The following KIRREL3 variants were observed in gnomAD, a reference collection of about 807,000 sequenced individuals.
KIRREL3 encodes kin of IRRE-like protein 3.
In KIRREL3, 36 loss-of-function variants were observed where a neutral mutation model predicts 89.7. The observed-to-expected ratio is 0.40, with a 90% CI of 0.31 to 0.53. The LOEUF is 0.53. KIRREL3 is among the 20% of genes least tolerant of loss of function. The pLI, the probability that KIRREL3 is intolerant of heterozygous loss-of-function variation, is 0.49. For synonymous variants in KIRREL3, 445 were observed against 441.4 expected (o/e 1.01, Z -0.10); for missense variants, 864 against 1,056.6 (o/e 0.82, Z 2.53).
At chr11:126,756,216 G>A (rs893470978) in intron 1 of KIRREL3, among the ~76,000 whole-genome samples, 1 of 152,190 alleles carries the variant, frequency 6.6e-6, no homozygotes, top group Non-Finnish European at 1.5e-5. Flanking sequence ...TTCAAAATAA[G>A]ATTCCCATGA....
In KIRREL3 at chr11:126,710,719, A is replaced by G. The variant is rs1947722998; in HGVS notation, c.56-147807T>C. Among the ~76,000 whole-genome samples, 1 of 152,184 alleles carries G rather than the reference A, an allele frequency of 6.6e-6. No homozygotes were observed. On this transcript the variant is annotated intron_variant, in intron 1 of 16. Transcript: ENST00000525144. This position sits in a 1 kb window ranked among gnomAD's most constrained non-coding sequence, Gnocchi z 4.2. The stretch of plus-strand genomic sequence containing the variant: ...CCTCACTTATAATTAAGTGTCTCAA[A>G]TAAAGTTTTGTTTTAGGCTAAATAA...
chr11:126,448,294 A>G (rs1217421990), intron 8 of KIRREL3, among the ~76,000 whole-genome samples: 1 of 151,568 alleles, frequency 6.6e-6, no homozygotes, highest in East Asian at 1.9e-4. Flanking sequence ...AAAAAAAAAA[A>G]AAAAAAAGAA....
chr11:126,749,872 T>C (rs966311204), intron 1 of KIRREL3, among the ~76,000 whole-genome samples: 2 of 152,154 alleles, frequency 1.3e-5, no homozygotes, highest in Non-Finnish European at 2.9e-5. Flanking sequence ...CCCTAGAGAT[T>C]GTTGTCTAAC....
intron 1 of KIRREL3, among the ~76,000 whole-genome samples, chr11:126,921,007 C>T (rs1947252566): frequency 6.6e-6 from 1 of 152,220 alleles, no homozygotes; most frequent in South Asian, 2.1e-4. Context: ...CAGGAAGAGA[C>T]TGGCACTTGC....
At chr11:126,825,285 G>A (rs902820267) in intron 1 of KIRREL3, among the ~76,000 whole-genome samples, 5 of 152,096 alleles carry the variant, frequency 3.3e-5, no homozygotes, top group Non-Finnish European at 5.9e-5. Context: ...TGACAGCCTG[G>A]TGACGCTATG....
Position 126,562,760 on chromosome 11 carries a change from C to G in KIRREL3, c.133+75G>C. On this transcript the variant is annotated intron_variant, in intron 2 of 16. Transcript: ENST00000525144. This position sits in a 1 kb window ranked among gnomAD's most constrained non-coding sequence, Gnocchi z 4.7. ...GGTCCCAGGTTCTTATTCCTGGTTC[C>G]TCTGTCCTGTGGCTGTAGGGGAGAG... The G allele has an allele frequency of 2.3e-6, 3 of 1,278,840 alleles. No homozygotes were observed. Among genetic ancestry groups the G allele is most frequent in the Non-Finnish European group, 3.4e-6 (3 of 880,052 alleles). The allele number at this position is 1,278,840 out of a possible 1,614,324, so 79.2% of individuals were successfully genotyped here.
intron 1 of KIRREL3, among the ~76,000 whole-genome samples, chr11:126,597,040 T>C (rs1322856526): frequency 6.6e-6 from 1 of 152,218 alleles, no homozygotes; most frequent in Non-Finnish European, 1.5e-5. Context: ...TTTTGGAGTG[T>C]GGTAGCCAGA....
chr11:126,450,873 GTGTGCATGTGTGCA>G (rs749595429), intron 7 of KIRREL3, among the ~76,000 whole-genome samples: 33 of 150,232 alleles, frequency 2.2e-4, no homozygotes, highest in Middle Eastern at 3.5e-3. Context: ...GTGTGTGCAT[GTGTGCATGTGTGCA>G]TGTGCGTGTG....
chr11:126,649,688 C>T (rs1022176513), intron 1 of KIRREL3, among the ~76,000 whole-genome samples: 61 of 152,198 alleles, frequency 4.0e-4, no homozygotes, highest in Non-Finnish European at 2.9e-5. Flanking sequence ...CAGCCTCCCT[C>T]CCAGCTGCTT....
intron 1 of KIRREL3, among the ~76,000 whole-genome samples, chr11:126,679,615 A>G (rs574546843): frequency 9.8e-5 from 15 of 152,306 alleles, no homozygotes; most frequent in Admixed American, 9.1e-4. Context: ...GACTTTGTAG[A>G]CAGTTCATCT....
At position 126,983,687 on chromosome 11, in the gene KIRREL3, C is replaced by T. The variant is rs1249833236; in HGVS notation, c.55+16768G>A. Among the ~76,000 whole-genome samples the T allele has an allele frequency of 6.6e-6, 1 of 152,150 alleles. No homozygotes were observed. The highest frequency in any genetic ancestry group is 6.5e-5 in the Admixed American group (1 of 15,286). On this transcript the variant is annotated intron_variant, in intron 1 of 16. Coordinates refer to ENST00000525144, the MANE Select transcript of KIRREL3 (RefSeq NM_032531.4). This position sits in a 1 kb window ranked among gnomAD's most constrained non-coding sequence, Gnocchi z 4.9. ...GCCAAGAAATTGATTTTCCCTATAG[C>T]CTCCAGAAAGAAACAGCCCTGCAGC...
rs1042408489 is a variant in KIRREL3 at position 126,530,795 on chromosome 11, C to T, written c.134-4108G>A. ...ATGTTCCCCTGGTGTGAAGCCTTGGCGGCCGGTGCAATCTCCCCTTCCCAT... is the reference window on the plus strand; with the variant it reads ...ATGTTCCCCTGGTGTGAAGCCTTGGTGGCCGGTGCAATCTCCCCTTCCCAT... On this transcript the variant is annotated intron_variant, in intron 2 of 16. Coordinates refer to ENST00000525144, the MANE Select transcript of KIRREL3 (RefSeq NM_032531.4). The surrounding 1 kb of genome is among the most constrained non-coding windows in gnomAD (Gnocchi z 5.8). 1.3e-5 allele frequency among the ~76,000 whole-genome samples: 2 copies of T among 152,218 alleles called. No individual in the cohort carries two copies. Among genetic ancestry groups the T allele is most frequent in the Non-Finnish European group, 1.5e-5 (1 of 68,010 alleles).
At chr11:126,746,071 G>C (rs1016024604) in intron 1 of KIRREL3, among the ~76,000 whole-genome samples, 1 of 152,106 alleles carries the variant, frequency 6.6e-6, no homozygotes, top group Admixed American at 6.5e-5. Context: ...TCTGCTTTTT[G>C]TTAGGTTTCT....
chr11:126,869,160 T>A (rs1945021449), intron 1 of KIRREL3, among the ~76,000 whole-genome samples: 1 of 151,286 alleles, frequency 6.6e-6, no homozygotes, highest in Non-Finnish European at 1.5e-5. Flanking sequence ...AGGGCTTTTT[T>A]TTTTTTTTTT....
intron 10 of KIRREL3, among the ~76,000 whole-genome samples, chr11:126,442,043 A>C (rs113500486): frequency 0.2 from 30,658 of 151,856 alleles, 3,813 homozygotes; most frequent in Admixed American, 0.32. Context: ...GAGGCTGAGG[A>C]GGGTGGATCA....
chr11:126,788,711 A>G lies in KIRREL3; in HGVS notation c.55+211744T>C, dbSNP rs1233078846. 6.6e-6 allele frequency among the ~76,000 whole-genome samples: 1 copy of G among 152,170 alleles called. No individual in the cohort carries two copies. Among genetic ancestry groups the G allele is most frequent in the Non-Finnish European group, 1.5e-5 (1 of 68,026 alleles). On this transcript the variant is annotated intron_variant, in intron 1 of 16. Transcript: ENST00000525144. This position sits in a 1 kb window ranked among gnomAD's most constrained non-coding sequence, Gnocchi z 4.1. ...AGACCACAAAGGCCCTACAATTGCT[A>G]TCAAAGGAACTGATTGTTTTGATCT... is the stretch of plus-strand genomic sequence containing the variant.
intron 1 of KIRREL3, among the ~76,000 whole-genome samples, chr11:126,895,924 G>T (rs1474317159): frequency 1.3e-5 from 2 of 152,210 alleles, no homozygotes; most frequent in Non-Finnish European, 2.9e-5. Flanking sequence ...GTGACATAAA[G>T]AGAAGAAACT....
Position 126,651,147 on chromosome 11 carries a change from G to A in KIRREL3, c.56-88235C>T, listed in dbSNP as rs961472609. 3.9e-5 allele frequency among the ~76,000 whole-genome samples: 6 copies of A among 152,190 alleles called. No individual in the cohort carries two copies. Among genetic ancestry groups the A allele is most frequent in the Non-Finnish European group, 7.3e-5 (5 of 68,038 alleles). On this transcript the variant is annotated intron_variant, in intron 1 of 16. Coordinates refer to ENST00000525144, the MANE Select transcript of KIRREL3 (RefSeq NM_032531.4). This position sits in a 1 kb window ranked among gnomAD's most constrained non-coding sequence, Gnocchi z 4.6. ...CAATTCAAGATGATATGTGGGTGGGGACACAGCAAAACCATATCAGAAAAG... is the reference window on the plus strand; with the variant it reads ...CAATTCAAGATGATATGTGGGTGGGAACACAGCAAAACCATATCAGAAAAG...
rs1250789586 is a variant in KIRREL3 at position 126,743,517 on chromosome 11, T to C, written c.56-180605A>G. Among the ~76,000 whole-genome samples the C allele has an allele frequency of 3.9e-5, 6 of 152,354 alleles. No homozygotes were observed. In the East Asian group the frequency reaches 1.2e-3, roughly 29 times the overall value. On this transcript the variant is annotated intron_variant, in intron 1 of 16. Coordinates refer to ENST00000525144, the MANE Select transcript of KIRREL3 (RefSeq NM_032531.4). Reference sequence around the variant, plus strand: ...CTGGGAATATAATTGTGAATGCATATTGAATGCAAAGCACTATATAAGGCA... The same window carrying C: ...CTGGGAATATAATTGTGAATGCATACTGAATGCAAAGCACTATATAAGGCA...
Sources: allele counts gnomAD v4.1 joint callset (sites outside exome capture counted in the v4.1 genomes callset), GRCh38; gene constraint gnomAD v4.1.1; non-coding constraint Gnocchi (gnomAD v3.1); transcripts MANE v1.5; gene names NCBI Gene and HGNC (gene_info 2026-07-23, HGNC 2026-07-21).